RBFOX1: variants seen among roughly 807,000 people sequenced by gnomAD.
RBFOX1 encodes RNA binding fox-1 homolog 1.
Under a neutral mutation model 57.7 loss-of-function variants are expected in RBFOX1, and 8 were observed. That is an observed-to-expected ratio of 0.14 (90% CI 0.08 to 0.25). The LOEUF (loss-of-function observed/expected upper bound fraction) is 0.25. Among genes scored for constraint, RBFOX1 ranks in the 10% least tolerant of loss-of-function variants. The probability of loss-of-function intolerance (pLI) is 1.00; values close to 1 mark genes in which losing one functional copy is unlikely to be tolerated. For synonymous variants in RBFOX1, 326 were observed against 222.4 expected (o/e 1.47, Z -4.15); for missense variants, 611 against 548.5 (o/e 1.11, Z -1.14).
chr16:6,592,249 G>T (rs1381964780), intron 2 of RBFOX1, among the ~76,000 whole-genome samples: 1 of 152,144 alleles, frequency 6.6e-6, no homozygotes, highest in Non-Finnish European at 1.5e-5. Flanking sequence ...TCTTTTGTGT[G>T]GTACTAGGCA....
At chr16:6,863,458 G>C (rs890475803) in intron 3 of RBFOX1, among the ~76,000 whole-genome samples, 1 of 151,972 alleles carries the variant, frequency 6.6e-6, no homozygotes, top group Non-Finnish European at 1.5e-5. Context: ...TTTGCCTTCT[G>C]CTACCTCTGA....
intron 3 of RBFOX1, among the ~76,000 whole-genome samples, chr16:6,946,407 C>G (rs1000437414): frequency 6.6e-6 from 1 of 152,204 alleles, no homozygotes; most frequent in Non-Finnish European, 1.5e-5. Flanking sequence ...AAGCTCTACG[C>G]TTATTGCCTG....
intron 3 of RBFOX1, among the ~76,000 whole-genome samples, chr16:6,789,346 T>G (rs1002352449): frequency 3.3e-5 from 5 of 152,132 alleles, no homozygotes; most frequent in African/African-American, 4.8e-5. Flanking sequence ...AGTTTCCGCT[T>G]TGAGATGTAT....
intron 3 of RBFOX1, among the ~76,000 whole-genome samples, chr16:6,667,926 C>G (rs2098742665): frequency 6.6e-6 from 1 of 152,018 alleles, no homozygotes; most frequent in Admixed American, 6.6e-5. Context: ...TACAAGCTGC[C>G]TGATTATTAC....
intron 1 of RBFOX1, among the ~76,000 whole-genome samples, chr16:6,069,163 C>T (rs1004928045): frequency 6.6e-6 from 1 of 152,044 alleles, no homozygotes; most frequent in African/African-American, 2.4e-5. Flanking sequence ...CTTTGGGAGG[C>T]CGAGGCGGAT....
intron 3 of RBFOX1, among the ~76,000 whole-genome samples, chr16:6,846,648 A>G (rs6500852): frequency 0.78 from 117,978 of 152,172 alleles, 46,352 homozygotes; most frequent in East Asian, 0.9. Flanking sequence ...ACAGTTGAGC[A>G]TCTACAGACG....
chr16:6,633,826 C>T (rs115666065), intron 2 of RBFOX1, among the ~76,000 whole-genome samples: 1,695 of 152,032 alleles, frequency 0.011, 35 homozygotes, highest in African/African-American at 0.037. Context: ...CTGGGCAACA[C>T]GGAAAGATGT....
At chr16:6,113,482 A>C (rs372065484) in intron 1 of RBFOX1, among the ~76,000 whole-genome samples, 1 of 152,334 alleles carries the variant, frequency 6.6e-6, no homozygotes, top group African/African-American at 2.4e-5. Context: ...TTTTGTGTGG[A>C]CTTGTTGATG....
intron 2 of RBFOX1, among the ~76,000 whole-genome samples, chr16:6,649,874 A>G (rs1233463754): frequency 1.3e-5 from 2 of 152,204 alleles, no homozygotes; most frequent in Non-Finnish European, 2.9e-5. Context: ...TATGTATAGT[A>G]TTCCAATATA....
At chr16:7,059,027 C>A (rs2153743999) in intron 4 of RBFOX1, among the ~76,000 whole-genome samples, 1 of 152,308 alleles carries the variant, frequency 6.6e-6, no homozygotes, top group Non-Finnish European at 1.5e-5. Context: ...TTGCCAGTTA[C>A]AAGCGAGTTT....
chr16:5,556,960 A>G (rs11640260), intron 2 of RBFOX1, among the ~76,000 whole-genome samples: 43,359 of 152,022 alleles, frequency 0.29, 6,882 homozygotes, highest in Non-Finnish European at 0.35. Context: ...GTTAATTTGA[A>G]CTTTTAAAAT....
intron 3 of RBFOX1, among the ~76,000 whole-genome samples, chr16:6,875,954 T>G (rs1048447407): frequency 1.3e-5 from 2 of 152,062 alleles, no homozygotes; most frequent in African/African-American, 2.4e-5. Context: ...GCTGCAATTA[T>G]GTCACTGCAC....
At chr16:6,657,924 T>A (rs2098671756) in intron 3 of RBFOX1, among the ~76,000 whole-genome samples, 1 of 152,182 alleles carries the variant, frequency 6.6e-6, no homozygotes, top group Non-Finnish European at 1.5e-5. Flanking sequence ...TTTTTATTAT[T>A]TTTTATTTTT....
chr16:7,078,550 G>C (rs868504609), intron 4 of RBFOX1, among the ~76,000 whole-genome samples: 38 of 151,856 alleles, frequency 2.5e-4, no homozygotes, highest in South Asian at 4.2e-4. Context: ...GTTTTGCCGT[G>C]TTGGCCAGGC....
At chr16:7,615,277 G>A (rs180908182) in intron 10 of RBFOX1, among the ~76,000 whole-genome samples, 47 of 152,214 alleles carry the variant, frequency 3.1e-4, no homozygotes, top group Admixed American at 1.2e-3. Flanking sequence ...AGCTTGCAGT[G>A]AGCTGAGATC....
At chr16:5,615,579 C>G (rs373058981) in intron 3 of RBFOX1, among the ~76,000 whole-genome samples, 11 of 152,170 alleles carry the variant, frequency 7.2e-5, no homozygotes, top group African/African-American at 2.7e-4. Context: ...GGTGGGAGTC[C>G]CAGCTCCGTC....
At position 6,880,360 on chromosome 16, in the gene RBFOX1, T is replaced by C. The variant is rs145275064; in HGVS notation, c.-15-171697T>C. ...CTGACCACTGCCTTGGTTTTTAGTA[T>C]TATACTTTCCACTTCAGTCACTGCA... On this transcript the variant is annotated intron_variant, in intron 3 of 15. Transcript: ENST00000550418. 5.5e-3 allele frequency among the ~76,000 whole-genome samples: 833 copies of C among 152,258 alleles called. 17 individuals are homozygous for C. Among genetic ancestry groups the C allele is most frequent in the African/African-American group, 0.019 (800 of 41,544 alleles).
intron 2 of RBFOX1, among the ~76,000 whole-genome samples, chr16:5,533,667 G>A (rs2044577276): frequency 6.6e-6 from 1 of 152,138 alleles, no homozygotes. Context: ...GGGTTCTCAA[G>A]GATCCTAATT....
chr16:6,855,741 T>A (rs1044974451), intron 3 of RBFOX1, among the ~76,000 whole-genome samples: 9 of 152,084 alleles, frequency 5.9e-5, no homozygotes, highest in Non-Finnish European at 1.3e-4. Flanking sequence ...TTGGATTCAT[T>A]TAATTGCGCA....
Sources: gnomAD v4.1 joint callset for allele counts (sites outside exome capture counted in the v4.1 genomes callset) on GRCh38, gnomAD v4.1.1 for gene constraint, MANE v1.5 for transcripts, NCBI Gene and HGNC (gene_info 2026-07-23, HGNC 2026-07-21) for gene names.